The following PHKB variants were observed in gnomAD, a reference collection of about 807,000 sequenced individuals.
The protein encoded by PHKB is phosphorylase kinase regulatory subunit beta, also known as phosphorylase b kinase regulatory subunit beta.
A neutral mutation model predicts 152.1 loss-of-function variants in PHKB; 122 were observed. That is an observed-to-expected ratio of 0.80 (90% CI 0.69 to 0.93). The LOEUF (loss-of-function observed/expected upper bound fraction) is 0.93, where lower values mean the gene tolerates loss of function less well. Among genes scored for constraint, PHKB ranks in the 40% least tolerant of loss-of-function variants. The pLI, the probability that PHKB is intolerant of heterozygous loss-of-function variation, is 0.00. For missense variants in PHKB, 1,304 were observed against 1,328.4 expected (o/e 0.98, Z 0.29); for synonymous variants, 436 against 464.9 (o/e 0.94, Z 0.80).
At chr16:47,620,314 A>G (rs1370839562) in intron 14 of PHKB, among the ~76,000 whole-genome samples, 1 of 152,226 alleles carries the variant, frequency 6.6e-6, no homozygotes, top group Non-Finnish European at 1.5e-5. Context: ...TGCCTAGCAA[A>G]ATGGTTAAGA....
At chr16:47,532,527 G>A (rs1043182500) in intron 6 of PHKB, among the ~76,000 whole-genome samples, 3 of 152,248 alleles carry the variant, frequency 2.0e-5, no homozygotes, top group Non-Finnish European at 4.4e-5. Flanking sequence ...GGGTGTATGA[G>A]CAAGTGTAGG....
chr16:47,540,962 G>A lies in PHKB; in HGVS notation c.595-6471G>A, dbSNP rs140710354. Among the ~76,000 whole-genome samples the A allele has an allele frequency of 7.9e-5, 12 of 151,142 alleles. No homozygotes were observed. The East Asian group carries it at 2.3e-3, about 29-fold the overall frequency. ...CCTGCCTCAGCCTCCCAAGTAGCTG[G>A]GATTACAGGCATACATCACCACGCC... On this transcript the variant is annotated intron_variant, in intron 6 of 30. Transcript: ENST00000323584.
At chr16:47,483,988 G>T (rs1165767126) in intron 1 of PHKB, among the ~76,000 whole-genome samples, 1 of 152,104 alleles carries the variant, frequency 6.6e-6, no homozygotes, top group Non-Finnish European at 1.5e-5. Context: ...TCCTAAAAAG[G>T]AGTTCCAAAA....
chr16:47,641,572 GTC>G (rs1484105143), intron 15 of PHKB, 25 bp from the exon 16 acceptor site: 6 of 1,148,998 alleles, frequency 5.2e-6, no homozygotes, highest in Non-Finnish European at 7.9e-6. Flanking sequence ...GTCTTAAAAC[GTC>G]TCTTTTTATC....
At chr16:47,642,434 A>G (rs1973042015) in intron 16 of PHKB, among the ~76,000 whole-genome samples, 1 of 152,238 alleles carries the variant, frequency 6.6e-6, no homozygotes, top group East Asian at 1.9e-4. Flanking sequence ...CGTTAGAGAC[A>G]CGACATTGTT....
intron 1 of PHKB, among the ~76,000 whole-genome samples, chr16:47,469,478 C>T (rs1969726487): frequency 6.6e-6 from 1 of 152,128 alleles, no homozygotes; most frequent in Non-Finnish European, 1.5e-5. Flanking sequence ...AGGCCATTAT[C>T]CTAAGTGAAT....
chr16:47,467,132 T>C (rs1408908673), intron 1 of PHKB, among the ~76,000 whole-genome samples: 1 of 152,204 alleles, frequency 6.6e-6, no homozygotes, highest in Non-Finnish European at 1.5e-5. Context: ...TAGTTATCTT[T>C]CCTAAAAATA....
intron 14 of PHKB, among the ~76,000 whole-genome samples, chr16:47,621,822 G>A (rs1972622690): frequency 6.6e-6 from 1 of 152,088 alleles, no homozygotes; most frequent in Non-Finnish European, 1.5e-5. Context: ...GTCTTGAAGG[G>A]TAATGAAGAG....
At chr16:47,566,191 C>T (rs919633038) in intron 7 of PHKB, 8 of 709,466 alleles carry the variant, frequency 1.1e-5, no homozygotes, top group Non-Finnish European at 1.8e-5. Context: ...TCCCAATACT[C>T]ATCACAATAC....
intron 7 of PHKB, among the ~76,000 whole-genome samples, chr16:47,560,292 C>G (rs1246211646): frequency 6.6e-6 from 1 of 152,124 alleles, no homozygotes; most frequent in African/African-American, 2.4e-5. Context: ...GGTTCTTGTA[C>G]TTGTATATTG....
intron 20 of PHKB, among the ~76,000 whole-genome samples, chr16:47,653,131 G>C (rs905174141): frequency 2.0e-5 from 3 of 152,068 alleles, no homozygotes; most frequent in Non-Finnish European, 4.4e-5. Context: ...TTTCTCTAAG[G>C]CTTTTCAGTC....
At chr16:47,534,297 G>C (rs979481247) in intron 6 of PHKB, among the ~76,000 whole-genome samples, 2 of 152,206 alleles carry the variant, frequency 1.3e-5, no homozygotes, top group African/African-American at 4.8e-5. Context: ...AAAGGTGTTG[G>C]TGGGGCCTGG....
At chr16:47,563,345 G>C (rs1235214814) in intron 7 of PHKB, among the ~76,000 whole-genome samples, 1 of 151,766 alleles carries the variant, frequency 6.6e-6, no homozygotes, top group African/African-American at 2.4e-5. Context: ...AATAAAACTT[G>C]AAAGTAAAAT....
intron 1 of PHKB, among the ~76,000 whole-genome samples, chr16:47,470,477 C>CGTTA (rs1179981978): frequency 6.6e-6 from 1 of 152,180 alleles, no homozygotes; most frequent in African/African-American, 2.4e-5. Flanking sequence ...CCAGAGTGGG[C>CGTTA]GTTATGGCCA....
rs749447629 is a variant in PHKB, at chr16:47,499,911, TCTC to T, written c.305+21_305+23del. On this transcript the variant is annotated intron_variant, in intron 3 of 30. Coordinates refer to ENST00000323584, the MANE Select transcript of PHKB (RefSeq NM_000293.3). ...TGCATACAGGTGAGCTGGTGTGTGT[TCTC>T]CTCGTAACTTTGAGAGTGGATAATA... 4.3e-6 allele frequency: 7 copies of T among 1,614,024 alleles called. No individual in the cohort carries two copies. The South Asian group carries it at 4.4e-5, about 10-fold the overall frequency.
At chr16:47,626,697 A>G (rs1972716338) in intron 14 of PHKB, among the ~76,000 whole-genome samples, 1 of 152,150 alleles carries the variant, frequency 6.6e-6, no homozygotes, top group African/African-American at 2.4e-5. Context: ...GACCTGGGCT[A>G]TTTCCCCTCT....
At chr16:47,478,487 T>A (rs1969907422) in intron 1 of PHKB, among the ~76,000 whole-genome samples, 1 of 148,404 alleles carries the variant, frequency 6.7e-6, no homozygotes, top group Non-Finnish European at 1.5e-5. Flanking sequence ...TTTTTTTTTT[T>A]GCTTTACCTG....
At chr16:47,558,099 T>C (rs1230270550) in intron 7 of PHKB, among the ~76,000 whole-genome samples, 3 of 150,554 alleles carry the variant, frequency 2.0e-5, no homozygotes, top group Non-Finnish European at 4.4e-5. Context: ...ATGGATGAAA[T>C]TGGAAATCAT....
At chr16:47,557,948 G>A (rs900432406) in intron 7 of PHKB, among the ~76,000 whole-genome samples, 3 of 151,942 alleles carry the variant, frequency 2.0e-5, no homozygotes, top group Non-Finnish European at 4.4e-5. Context: ...TGTTTATTGC[G>A]GTACTATTCA....
Sources: gnomAD v4.1 joint callset for allele counts (sites outside exome capture counted in the v4.1 genomes callset) on GRCh38, gnomAD v4.1.1 for gene constraint, MANE v1.5 for transcripts, NCBI Gene and HGNC (gene_info 2026-07-23, HGNC 2026-07-21) for gene names.